The following DLGAP1 variants were observed in gnomAD, a reference collection of about 807,000 sequenced individuals.
DLGAP1 encodes disks large-associated protein 1.
Under a neutral mutation model 90.8 loss-of-function variants are expected in DLGAP1, and 11 were observed. The ratio of observed to expected loss-of-function variants is 0.12; its 90% confidence interval spans 0.08 to 0.20. The LOEUF (loss-of-function observed/expected upper bound fraction) is 0.20. Ranked by LOEUF, DLGAP1 falls within the 10% of genes least tolerant of loss-of-function variation. DLGAP1 has a pLI of 1.00. For synonymous variants in DLGAP1, 558 were observed against 540.7 expected (o/e 1.03, Z -0.44); for missense variants, 1,050 against 1,333.8 (o/e 0.79, Z 3.31).
chr18:3,957,353 C>G (rs1287317563), intron 3 of DLGAP1, among the ~76,000 whole-genome samples: 2 of 152,190 alleles, frequency 1.3e-5, no homozygotes, highest in Non-Finnish European at 2.9e-5. Context: ...CTGTGGACAC[C>G]TTAACTGACA....
chr18:4,197,672 G>A (rs1044458721), intron 1 of DLGAP1, among the ~76,000 whole-genome samples: 8 of 152,176 alleles, frequency 5.3e-5, no homozygotes, highest in Admixed American at 2.6e-4. Context: ...GGTATGGAGC[G>A]GGATGATGGG....
chr18:4,083,189 A>G (rs921555763), intron 2 of DLGAP1, among the ~76,000 whole-genome samples: 1 of 152,222 alleles, frequency 6.6e-6, no homozygotes, highest in Non-Finnish European at 1.5e-5. Flanking sequence ...AAGTGTTTGT[A>G]AGGATTAATG....
At chr18:4,010,131 T>C (rs1464799696) in intron 2 of DLGAP1, among the ~76,000 whole-genome samples, 1 of 152,300 alleles carries the variant, frequency 6.6e-6, no homozygotes, top group East Asian at 1.9e-4. Flanking sequence ...AAATATTCCA[T>C]TGAGATAAAA....
chr18:4,337,553 C>G (rs1379279787), intron 1 of DLGAP1, among the ~76,000 whole-genome samples: 1 of 152,052 alleles, frequency 6.6e-6, no homozygotes, highest in Admixed American at 6.6e-5. Context: ...GAAGAATTTA[C>G]AAATGTATGA....
chr18:3,656,143 A>G, intron 7 of DLGAP1: 1 of 1,540,550 alleles, frequency 6.5e-7, no homozygotes, highest in Non-Finnish European at 8.8e-7. Flanking sequence ...TGGCAGTTAT[A>G]TAATGGACCC....
At chr18:4,322,388 A>G (rs1028854388) in intron 1 of DLGAP1, among the ~76,000 whole-genome samples, 1 of 152,186 alleles carries the variant, frequency 6.6e-6, no homozygotes, top group Non-Finnish European at 1.5e-5. Context: ...ATACATAATG[A>G]AAAAAGGTCA....
chr18:3,817,191 T>C (rs895308513), intron 4 of DLGAP1, among the ~76,000 whole-genome samples: 6 of 152,208 alleles, frequency 3.9e-5, no homozygotes, highest in Admixed American at 6.5e-5. Flanking sequence ...CATTGCTCTC[T>C]GGAGTATGTC....
chr18:3,854,737 A>C (rs1421410817), intron 4 of DLGAP1, among the ~76,000 whole-genome samples: 2 of 151,946 alleles, frequency 1.3e-5, no homozygotes, highest in Non-Finnish European at 2.9e-5. Flanking sequence ...AGTGTGGGGA[A>C]ACCTATCAGT....
chr18:3,964,137 A>G (rs188373485), intron 3 of DLGAP1, among the ~76,000 whole-genome samples: 258 of 152,310 alleles, frequency 1.7e-3, no homozygotes, highest in Non-Finnish European at 1.4e-3. Context: ...CACACTCCCT[A>G]TTTATTCTCA....
At chr18:3,537,476 T>C (rs1361635007) in intron 9 of DLGAP1, among the ~76,000 whole-genome samples, 1 of 152,242 alleles carries the variant, frequency 6.6e-6, no homozygotes, top group Non-Finnish European at 1.5e-5. Context: ...ATTCCCATTG[T>C]ATGTATTTAC....
intron 1 of DLGAP1, among the ~76,000 whole-genome samples, chr18:4,231,601 CCTTT>C (rs1320856448): frequency 1.3e-5 from 2 of 152,128 alleles, no homozygotes; most frequent in Admixed American, 6.6e-5. Context: ...CTTGCTTCTT[CCTTT>C]GTTTTCAGTT....
At chr18:4,103,536 A>G (rs1407003638) in intron 2 of DLGAP1, among the ~76,000 whole-genome samples, 7 of 152,296 alleles carry the variant, frequency 4.6e-5, no homozygotes, top group African/African-American at 1.7e-4. Context: ...TATTAGTCCT[A>G]CATAGATAAT....
chr18:3,988,923 G>T (rs1038060671), intron 3 of DLGAP1, among the ~76,000 whole-genome samples: 1 of 152,214 alleles, frequency 6.6e-6, no homozygotes, highest in African/African-American at 2.4e-5. Context: ...GACTGCCGTG[G>T]CTTAACTGGG....
At chr18:3,769,047 T>C (rs1031187189) in intron 5 of DLGAP1, among the ~76,000 whole-genome samples, 8 of 152,088 alleles carry the variant, frequency 5.3e-5, no homozygotes, top group Admixed American at 2.6e-4. Context: ...CTAATATAAA[T>C]ACAGTACTTT....
chr18:3,846,872 T>C (rs2069048249), intron 4 of DLGAP1, among the ~76,000 whole-genome samples: 1 of 152,176 alleles, frequency 6.6e-6, no homozygotes, highest in South Asian at 2.1e-4. Flanking sequence ...ATCTTAGATC[T>C]TGGTGATGGT....
intron 7 of DLGAP1, among the ~76,000 whole-genome samples, chr18:3,706,795 C>A (rs1567990962): frequency 6.6e-6 from 1 of 151,694 alleles, no homozygotes; most frequent in Non-Finnish European, 1.5e-5. Flanking sequence ...TTACTAGGGG[C>A]AAGTAAGCAA....
intron 2 of DLGAP1, among the ~76,000 whole-genome samples, chr18:4,048,842 A>G (rs2075092466): frequency 1.3e-5 from 2 of 152,358 alleles, no homozygotes; most frequent in East Asian, 1.9e-4. Flanking sequence ...TACATTATCA[A>G]CTGAGGACTA....
intron 7 of DLGAP1, among the ~76,000 whole-genome samples, chr18:3,681,715 G>A (rs561949141): frequency 6.6e-6 from 1 of 152,308 alleles, no homozygotes; most frequent in South Asian, 2.1e-4. Context: ...AATGTTGAAG[G>A]TGGGGCCTTG....
At chr18:4,364,992 C>G (rs2081729102) in intron 1 of DLGAP1, among the ~76,000 whole-genome samples, 1 of 152,088 alleles carries the variant, frequency 6.6e-6, no homozygotes. Context: ...GTCTTGATTT[C>G]TCATTTGATT....
Sources: gnomAD v4.1 joint callset for allele counts (sites outside exome capture counted in the v4.1 genomes callset) on GRCh38, gnomAD v4.1.1 for gene constraint, MANE v1.5 for transcripts, NCBI Gene and HGNC (gene_info 2026-07-23, HGNC 2026-07-21) for gene names.